The following DGKG variants were observed in gnomAD, a reference collection of about 807,000 sequenced individuals.
DGKG encodes DAG kinase gamma.
A neutral mutation model predicts 105.3 loss-of-function variants in DGKG; 78 were observed. The observed-to-expected ratio is 0.74, with a 90% CI of 0.62 to 0.89. The LOEUF (loss-of-function observed/expected upper bound fraction) is 0.89. DGKG is among the 40% of genes least tolerant of loss of function. DGKG has a pLI of 0.00. For synonymous variants in DGKG, 346 were observed against 367.1 expected, an observed-to-expected ratio of 0.94 and a Z score of 0.66; for missense variants, 958 against 1,020.1, an observed-to-expected ratio of 0.94 and a Z score of 0.83.
intron 20 of DGKG, among the ~76,000 whole-genome samples, chr3:186,232,642 AT>A (rs2108541764): frequency 6.6e-6 from 1 of 152,294 alleles, no homozygotes; most frequent in South Asian, 2.1e-4. Context: ...AACTTTCCAA[AT>A]TATTTATAAT....
chr3:186,307,663 A>G (rs550584353), intron 2 of DGKG, among the ~76,000 whole-genome samples: 1 of 152,360 alleles, frequency 6.6e-6, no homozygotes, highest in South Asian at 2.1e-4. Flanking sequence ...GTCTTTGTCT[A>G]TCATACTAAG....
chr3:186,293,847 A>T (rs939010904), intron 5 of DGKG, among the ~76,000 whole-genome samples: 1 of 152,182 alleles, frequency 6.6e-6, no homozygotes, highest in Admixed American at 6.5e-5. Flanking sequence ...CTCTGTGGTG[A>T]CTGCCTGGTC....
chr3:186,353,684 ATATCTATATCTATATCTATAT>A (rs1241345249), intron 1 of DGKG, among the ~76,000 whole-genome samples: 3 of 138,664 alleles, frequency 2.2e-5, no homozygotes, highest in Admixed American at 7.0e-5. Flanking sequence ...ATCTATATCT[ATATCTATATCTATATCTATAT>A]AACAGTGGAC....
Position 186,297,448 on chromosome 3 carries a change from C to A in DGKG, c.346G>T (p.Ala116Ser), listed in dbSNP as rs1723638189. 6.2e-7 allele frequency: 1 copy of A among 1,613,066 alleles called. No individual in the cohort carries two copies. The highest frequency in any genetic ancestry group is 1.3e-5 in the African/African-American group (1 of 75,012). The change falls in exon 5 of 25, where the codon GCA becomes TCA. Residue 116 changes from alanine to serine, a missense_variant. Transcript: ENST00000265022. ...NIQNADNATKADEACAPDTES... is the reference protein window; with the variant it reads ...NIQNADNATKSDEACAPDTES... ...GTATCAGGGGCACAGGCCTCGTCTG[C>A]TTTGGTGGCATTATCTGCATTCTGT...
intron 10 of DGKG, among the ~76,000 whole-genome samples, chr3:186,274,968 C>T (rs1722509683): frequency 6.6e-6 from 1 of 152,184 alleles, no homozygotes; most frequent in Non-Finnish European, 1.5e-5. Flanking sequence ...GCCACACTGT[C>T]TTCCACAATG....
At chr3:186,315,260 A>G (rs1724761964) in intron 2 of DGKG, among the ~76,000 whole-genome samples, 1 of 152,216 alleles carries the variant, frequency 6.6e-6, no homozygotes, top group African/African-American at 2.4e-5. Flanking sequence ...TCCACACTTT[A>G]AAGACTTCCT....
intron 9 of DGKG, among the ~76,000 whole-genome samples, chr3:186,276,671 C>T (rs1722603180): frequency 6.6e-6 from 1 of 152,216 alleles, no homozygotes; most frequent in South Asian, 2.1e-4. Flanking sequence ...GTGACACCCA[C>T]ATCTCCCACA....
At chr3:186,154,282 G>A (rs1356041681) in intron 24 of DGKG, among the ~76,000 whole-genome samples, 1 of 152,068 alleles carries the variant, frequency 6.6e-6, no homozygotes, top group South Asian at 2.1e-4. Flanking sequence ...AGTTGTTTCC[G>A]GGCTCTCCAA....
intron 20 of DGKG, among the ~76,000 whole-genome samples, chr3:186,217,677 GT>G (rs1477880377): frequency 1.3e-5 from 2 of 152,212 alleles, no homozygotes; most frequent in Admixed American, 6.5e-5. Context: ...TGAATAGCCT[GT>G]TTTCAAGGAT....
chr3:186,307,925 TA>T (rs1724333608), intron 2 of DGKG, among the ~76,000 whole-genome samples: 1 of 151,356 alleles, frequency 6.6e-6, no homozygotes, highest in Admixed American at 6.6e-5. Flanking sequence ...TCTTGATGGA[TA>T]AAATTGAGCT....
chr3:186,313,448 T>A, intron 2 of DGKG: 1 of 958,492 alleles, frequency 1.0e-6, no homozygotes, highest in South Asian at 4.8e-5. Flanking sequence ...GTAAGTAAAA[T>A]TTGTATTGCT....
chr3:186,339,672 G>T (rs1725995839), intron 1 of DGKG, among the ~76,000 whole-genome samples: 1 of 152,150 alleles, frequency 6.6e-6, no homozygotes, highest in Non-Finnish European at 1.5e-5. Context: ...TGTGGGGGTG[G>T]GTGGTATGCC....
At chr3:186,161,028 A>G in intron 24 of DGKG, 1 of 986,370 alleles carries the variant, frequency 1.0e-6, no homozygotes. Context: ...CATAAACAAA[A>G]TAGATAACCT....
intron 9 of DGKG, among the ~76,000 whole-genome samples, chr3:186,276,063 C>T (rs568424568): frequency 3.7e-4 from 56 of 152,010 alleles, no homozygotes; most frequent in African/African-American, 1.0e-3. Flanking sequence ...ATCTCCTTTT[C>T]GACTTTATCC....
chr3:186,253,319 A>T, intron 17 of DGKG, 137 bp from the exon 18 acceptor site: 1 of 684,208 alleles, frequency 1.5e-6, no homozygotes, highest in Non-Finnish European at 2.6e-6. Context: ...TGGGAAACAC[A>T]CTACTTCCTA....
At chr3:186,192,286 G>C (rs1461687654) in intron 21 of DGKG, among the ~76,000 whole-genome samples, 5 of 152,192 alleles carry the variant, frequency 3.3e-5, no homozygotes, top group Non-Finnish European at 5.9e-5. Context: ...TGGGATCACA[G>C]GGGTGAGCCA....
chr3:186,261,440 C>T (rs1462920963), intron 15 of DGKG, among the ~76,000 whole-genome samples: 1 of 152,206 alleles, frequency 6.6e-6, no homozygotes, highest in East Asian at 1.9e-4. Context: ...TTAATAATGG[C>T]TCACGTGGCA....
chr3:186,211,528 G>A (rs1314951028), intron 21 of DGKG, among the ~76,000 whole-genome samples: 4 of 152,154 alleles, frequency 2.6e-5, no homozygotes, highest in Admixed American at 6.5e-5. Context: ...GCAAGGCCAC[G>A]GTGGAAGGAG....
At chr3:186,161,395 G>T in intron 24 of DGKG, 1 of 1,406,854 alleles carries the variant, frequency 7.1e-7, no homozygotes, top group Non-Finnish European at 9.2e-7. Context: ...TGTGACCGGC[G>T]CTTCACAGTG....
Sources: allele counts gnomAD v4.1 joint callset (sites outside exome capture counted in the v4.1 genomes callset), GRCh38; gene constraint gnomAD v4.1.1; transcripts MANE v1.5; gene names NCBI Gene and HGNC (gene_info 2026-07-23, HGNC 2026-07-21).